The following FHL2 variants were observed in gnomAD, a reference collection of about 807,000 sequenced individuals.
The protein encoded by FHL2 is four and a half LIM domains 2.
Under a neutral mutation model 32.7 loss-of-function variants are expected in FHL2, and 20 were observed. The ratio of observed to expected loss-of-function variants is 0.61; its 90% confidence interval spans 0.43 to 0.89. The LOEUF (loss-of-function observed/expected upper bound fraction) is 0.89. Ranked by LOEUF, FHL2 falls within the 40% of genes least tolerant of loss-of-function variation. FHL2 has a pLI of 0.00. For missense variants in FHL2, 311 were observed against 358.6 expected (o/e 0.87, Z 1.07); for synonymous variants, 123 against 128.1 (o/e 0.96, Z 0.27).
intron 1 of FHL2, among the ~76,000 whole-genome samples, chr2:105,437,184 T>A (rs1188429633): frequency 6.6e-6 from 1 of 152,224 alleles, no homozygotes; most frequent in East Asian, 1.9e-4. Flanking sequence ...ATTAAAATAT[T>A]TTTTAATATA....
chr2:105,402,031 GAATA>G (rs1352383123), upstream of FHL2, among the ~76,000 whole-genome samples: 1 of 146,730 alleles, frequency 6.8e-6, no homozygotes, highest in South Asian at 2.2e-4. Flanking sequence ...ATATATACAC[GAATA>G]TATATATACG....
intron 2 of FHL2, among the ~76,000 whole-genome samples, chr2:105,389,191 T>C (rs982536619): frequency 5.3e-5 from 8 of 152,174 alleles, no homozygotes; most frequent in African/African-American, 1.7e-4. Context: ...AAAGAAAACA[T>C]TGTCTGGACA....
In FHL2 at chr2:105,370,185, C is replaced by A. The variant is rs556898380; in HGVS notation, c.332-2446G>T. ...CCCAGGAGTTGGCGACCAGCCTGGG[C>A]AACATAGAGAGTCCCTGTCTCTACC... On this transcript the variant is annotated intron_variant, in intron 4 of 6. Coordinates refer to ENST00000530340, the MANE Select transcript of FHL2 (RefSeq NM_001318895.3). Among the ~76,000 whole-genome samples, 70 of 152,028 alleles carry A rather than the reference C, an allele frequency of 4.6e-4. 1 individual carries two copies. The highest frequency in any genetic ancestry group is 1.6e-3 in the African/African-American group (67 of 41,466).
chr2:105,435,067 C>T (rs1684566669), intron 1 of FHL2, among the ~76,000 whole-genome samples: 1 of 152,050 alleles, frequency 6.6e-6, no homozygotes, highest in African/African-American at 2.4e-5. Flanking sequence ...CAATCTTATC[C>T]TTCAGAATCA....
At chr2:105,401,818 C>T (rs534064449), upstream of FHL2, among the ~76,000 whole-genome samples, 1 of 152,126 alleles carries the variant, frequency 6.6e-6, no homozygotes, top group East Asian at 1.9e-4. Context: ...CATTTGTGTT[C>T]ATGAGCAAAG....
chr2:105,423,400 T>C (rs542423267), intron 1 of FHL2, among the ~76,000 whole-genome samples: 1 of 152,286 alleles, frequency 6.6e-6, no homozygotes, highest in African/African-American at 2.4e-5. Flanking sequence ...GAGGACACAT[T>C]TTGCTTGCCT....
At chr2:105,420,295 C>A (rs935221218) in intron 1 of FHL2, among the ~76,000 whole-genome samples, 22 of 152,186 alleles carry the variant, frequency 1.4e-4, no homozygotes, top group African/African-American at 5.3e-4. Context: ...CTTCCCTGAT[C>A]TCTGTCTTCA....
chr2:105,435,385 C>T (rs1189978742), intron 1 of FHL2, among the ~76,000 whole-genome samples: 2 of 152,142 alleles, frequency 1.3e-5, no homozygotes, highest in Non-Finnish European at 2.9e-5. Flanking sequence ...CAAATCATGT[C>T]ATTTTCTATT....
Position 105,429,235 on chromosome 2 carries a change from G to A in FHL2, c.-25+9164C>T, listed in dbSNP as rs146989417. Among the ~76,000 whole-genome samples, 50 of 152,296 alleles carry A rather than the reference G, an allele frequency of 3.3e-4. No homozygotes were observed. The East Asian group carries it at 5.2e-3, about 16-fold the overall frequency. The stretch of plus-strand genomic sequence containing the variant: ...CAAGAAATCGGCTGGGAGTCAAATC[G>A]CAGTTCTGCCTCTTAGTAATTGGTA... On this transcript the variant is annotated intron_variant, in intron 1 of 5. Coordinates refer to the FHL2 transcript ENST00000393352.
In FHL2 at chr2:105,361,421, T is replaced by G. The variant is rs746919278; in HGVS notation, c.702A>C (p.Thr234=). The G allele has an allele frequency of 2.5e-6, 4 of 1,613,942 alleles. No homozygotes were observed. Among genetic ancestry groups the G allele is most frequent in the Non-Finnish European group, 3.4e-6 (4 of 1,179,966 alleles). ...CTNPISGLGG[T]KYISFEERQW... is the part of the protein sequence containing the mutation. ...GCCGTTCCTCAAAGGAGATGTATTTTGTGCCACCAAGTCCTGTTAACAGAG... is the reference window on the plus strand; with the variant it reads ...GCCGTTCCTCAAAGGAGATGTATTTGGTGCCACCAAGTCCTGTTAACAGAG... Residue 234 remains threonine (T), a synonymous_variant, in exon 7 of 7, where the codon ACA becomes ACC. Transcript: ENST00000530340.
intron 1 of FHL2, among the ~76,000 whole-genome samples, chr2:105,426,332 G>A (rs910706551): frequency 9.2e-5 from 14 of 152,144 alleles, no homozygotes; most frequent in Non-Finnish European, 1.8e-4. Context: ...CATTTTTGAC[G>A]TATAAAAGTA....
intron 1 of FHL2, among the ~76,000 whole-genome samples, chr2:105,427,171 C>T (rs752623755): frequency 3.9e-5 from 6 of 152,196 alleles, no homozygotes; most frequent in Admixed American, 6.5e-5. Context: ...CCAGGAAGTA[C>T]ATTTTTTACA....
intron 3 of FHL2, among the ~76,000 whole-genome samples, chr2:105,382,282 C>A (rs1681950758): frequency 6.6e-6 from 1 of 152,216 alleles, no homozygotes; most frequent in Admixed American, 6.5e-5. Flanking sequence ...GACTGAAGGT[C>A]ACTTGATTGA....
At position 105,393,844 on chromosome 2, in the gene FHL2, C is replaced by T. The variant is rs145936345; in HGVS notation, c.-25+2803G>A. On this transcript the variant is annotated intron_variant, in intron 2 of 6. Coordinates refer to ENST00000530340, the MANE Select transcript of FHL2 (RefSeq NM_001318895.3). ...CTCCTTCCAGATAAGCTGCTGCTTCCGCAGCGGATATAACTCTTCTTATTG... is the reference window on the plus strand; with the variant it reads ...CTCCTTCCAGATAAGCTGCTGCTTCTGCAGCGGATATAACTCTTCTTATTG... Among the ~76,000 whole-genome samples, 10 of 152,328 alleles carry T rather than the reference C, an allele frequency of 6.6e-5. No individual in the cohort carries two copies. The East Asian group carries it at 7.7e-4, about 12-fold the overall frequency.
At position 105,413,784 on chromosome 2, in the gene FHL2, G is replaced by T. The variant is rs533600414; in HGVS notation, c.-25+24615C>A. Among the ~76,000 whole-genome samples, 34 of 152,270 alleles carry T rather than the reference G, an allele frequency of 2.2e-4. No individual in the cohort carries two copies. The South Asian group carries it at 7.1e-3, about 32-fold the overall frequency. ...TGTGAGCCATCACGCCCAACCCCAA[G>T]CTGTTTTTCTTCTACTGGATGCTCA... On this transcript the variant is annotated intron_variant, in intron 1 of 5. Coordinates refer to the FHL2 transcript ENST00000393352.
At chr2:105,420,877 G>C (rs919363105) in intron 1 of FHL2, among the ~76,000 whole-genome samples, 1 of 152,146 alleles carries the variant, frequency 6.6e-6, no homozygotes, top group Non-Finnish European at 1.5e-5. Context: ...AATGCTTCTC[G>C]CCTGCTGCTC....
At chr2:105,365,978 G>T (rs1331900780) in intron 5 of FHL2, among the ~76,000 whole-genome samples, 1 of 152,146 alleles carries the variant, frequency 6.6e-6, no homozygotes, top group African/African-American at 2.4e-5. Flanking sequence ...GTGGAGGCAG[G>T]TCGATCACCT....
chr2:105,399,131 T>A (rs1683357048), upstream of FHL2: 3 of 1,388,864 alleles, frequency 2.2e-6, no homozygotes, highest in Non-Finnish European at 2.8e-6. Context: ...CTCGGCTCGC[T>A]GGCACCGGGC....
chr2:105,419,983 T>C (rs1181643862), intron 1 of FHL2, among the ~76,000 whole-genome samples: 1 of 152,150 alleles, frequency 6.6e-6, no homozygotes, highest in Admixed American at 6.5e-5. Context: ...AGGGGATGCA[T>C]TGGCCAAGGT....
Sources: allele counts gnomAD v4.1 joint callset (sites outside exome capture counted in the v4.1 genomes callset), GRCh38; gene constraint gnomAD v4.1.1; transcripts MANE v1.5; gene names NCBI Gene and HGNC (gene_info 2026-07-23, HGNC 2026-07-21).